Variants in MEGF9 observed in about 807,000 individuals in gnomAD.
MEGF9 encodes multiple EGF like domains 9.
Under a neutral mutation model 46.8 loss-of-function variants are expected in MEGF9, and 6 were observed. That is an observed-to-expected ratio of 0.13 (90% CI 0.07 to 0.25). The LOEUF is 0.25. Ranked by LOEUF, MEGF9 falls within the 10% of genes least tolerant of loss-of-function variation. The pLI is 1.00. For synonymous variants in MEGF9, 302 were observed against 330.7 expected, an observed-to-expected ratio of 0.91 and a Z score of 0.94; for missense variants, 683 against 792.4, an observed-to-expected ratio of 0.86 and a Z score of 1.66.
chr9:120,694,414 C>G (rs184032700), intron 1 of MEGF9, among the ~76,000 whole-genome samples: 1 of 152,260 alleles, frequency 6.6e-6, no homozygotes, highest in East Asian at 1.9e-4. Context: ...GTAAAAAGTC[C>G]GAAGGACTAA....
intron 2 of MEGF9, among the ~76,000 whole-genome samples, chr9:120,641,480 A>C (rs2043602766): frequency 6.6e-6 from 1 of 152,068 alleles, no homozygotes; most frequent in Non-Finnish European, 1.5e-5. Flanking sequence ...CTCAAAAAAA[A>C]CCCTTCTTTC....
chr9:120,697,757 A>T (rs2043884345), intron 1 of MEGF9, among the ~76,000 whole-genome samples: 1 of 152,068 alleles, frequency 6.6e-6, no homozygotes. Flanking sequence ...ACACTCTTTG[A>T]TCTAATTTTG....
chr9:120,680,904 G>T (rs1416186463), intron 1 of MEGF9, among the ~76,000 whole-genome samples: 1 of 151,632 alleles, frequency 6.6e-6, no homozygotes, highest in Admixed American at 6.6e-5. Context: ...GCCAGGCCTG[G>T]GACTCTGTTT....
chr9:120,673,177 G>A (rs143954008), intron 1 of MEGF9, among the ~76,000 whole-genome samples: 33 of 152,142 alleles, frequency 2.2e-4, no homozygotes, highest in Non-Finnish European at 4.6e-4. Context: ...CAAAATTAAC[G>A]TGTATGACCT....
At chr9:120,650,503 G>A (rs1235151259) in intron 2 of MEGF9, among the ~76,000 whole-genome samples, 1 of 151,602 alleles carries the variant, frequency 6.6e-6, no homozygotes, top group African/African-American at 2.4e-5. Flanking sequence ...ACATCCGTCA[G>A]TACATAAAGA....
chr9:120,698,389 A>G (rs2043888462), intron 1 of MEGF9, among the ~76,000 whole-genome samples: 2 of 152,152 alleles, frequency 1.3e-5, no homozygotes, highest in Admixed American at 6.5e-5. Flanking sequence ...GAGCAGTACC[A>G]TTACTGCTGT....
intron 1 of MEGF9, among the ~76,000 whole-genome samples, chr9:120,676,392 T>G (rs2043773554): frequency 6.6e-6 from 1 of 152,252 alleles, no homozygotes. Context: ...TATCTTGTTA[T>G]GATGACTTTT....
At chr9:120,619,529 T>C (rs1379932011) in intron 3 of MEGF9, among the ~76,000 whole-genome samples, 3 of 152,202 alleles carry the variant, frequency 2.0e-5, no homozygotes, top group Non-Finnish European at 4.4e-5. Flanking sequence ...AGAAACAGAT[T>C]AAGCAACTTG....
At chr9:120,652,938 T>A (rs1193069963) in intron 2 of MEGF9, among the ~76,000 whole-genome samples, 2 of 152,138 alleles carry the variant, frequency 1.3e-5, no homozygotes, top group African/African-American at 4.8e-5. Context: ...AGCAATGAGG[T>A]TCAGAGAGGT....
intron 4 of MEGF9, among the ~76,000 whole-genome samples, chr9:120,611,573 G>T (rs2132298663): frequency 6.6e-6 from 1 of 152,154 alleles, no homozygotes; most frequent in South Asian, 2.1e-4. Context: ...TAGGTTAGTG[G>T]TTGCCTAAGG....
At chr9:120,621,490 C>A (rs1232544361) in intron 3 of MEGF9, among the ~76,000 whole-genome samples, 1 of 152,128 alleles carries the variant, frequency 6.6e-6, no homozygotes, top group Non-Finnish European at 1.5e-5. Flanking sequence ...TTGTATTTTT[C>A]AGTTCCAGTT....
chr9:120,689,345 T>C (rs796107213), intron 1 of MEGF9, among the ~76,000 whole-genome samples: 41 of 152,208 alleles, frequency 2.7e-4, no homozygotes, highest in African/African-American at 9.6e-4. Context: ...AAAAAGTGCA[T>C]TGTGGCTGGG....
chr9:120,623,115 T>C (rs904790729), intron 2 of MEGF9, among the ~76,000 whole-genome samples: 2 of 152,214 alleles, frequency 1.3e-5, no homozygotes, highest in Non-Finnish European at 2.9e-5. Flanking sequence ...AGGGTCATAA[T>C]ACTTATTTTA....
intron 4 of MEGF9, among the ~76,000 whole-genome samples, chr9:120,611,906 G>A (rs1357541854): frequency 7.0e-6 from 1 of 141,846 alleles, no homozygotes; most frequent in Non-Finnish European, 1.6e-5. Flanking sequence ...AGAAAGAAAG[G>A]AAAAAATTCA....
chr9:120,683,563 G>A (rs113012014), intron 1 of MEGF9, among the ~76,000 whole-genome samples: 3,603 of 152,186 alleles, frequency 0.024, 152 homozygotes, highest in African/African-American at 0.083. Flanking sequence ...CTTCTCCTTC[G>A]GCTTCTGCCA....
intron 1 of MEGF9, among the ~76,000 whole-genome samples, chr9:120,667,527 A>T (rs2043730499): frequency 6.6e-6 from 1 of 152,016 alleles, no homozygotes; most frequent in Non-Finnish European, 1.5e-5. Flanking sequence ...TTAAACAAAG[A>T]CCAGGAAAAT....
chr9:120,677,666 C>T (rs1054771208), intron 1 of MEGF9, among the ~76,000 whole-genome samples: 11 of 152,144 alleles, frequency 7.2e-5, no homozygotes, highest in Admixed American at 5.9e-4. Context: ...ATAACTAAAA[C>T]AATACAAGTA....
At chr9:120,694,553 T>A (rs1271003710) in intron 1 of MEGF9, among the ~76,000 whole-genome samples, 1 of 152,230 alleles carries the variant, frequency 6.6e-6, no homozygotes, top group South Asian at 2.1e-4. Context: ...TTCTTCAAAG[T>A]GAGATTCTAC....
chr9:120,666,311 T>C (rs1279734164), intron 1 of MEGF9, among the ~76,000 whole-genome samples: 1 of 152,200 alleles, frequency 6.6e-6, no homozygotes, highest in Non-Finnish European at 1.5e-5. Context: ...AGATATATCA[T>C]AGTTTTAGAC....
Sources: allele counts gnomAD v4.1 joint callset (sites outside exome capture counted in the v4.1 genomes callset), GRCh38; gene constraint gnomAD v4.1.1; transcripts MANE v1.5; gene names NCBI Gene and HGNC (gene_info 2026-07-23, HGNC 2026-07-21).